Variants in GPC6 observed in about 807,000 individuals in gnomAD.
GPC6 encodes glypican 6.
A neutral mutation model predicts 55.2 loss-of-function variants in GPC6; 14 were observed. The ratio of observed to expected loss-of-function variants is 0.25; its 90% CI spans 0.17 to 0.40. The LOEUF (loss-of-function observed/expected upper bound fraction) is 0.40. Among genes scored for constraint, GPC6 ranks in the 10% least tolerant of loss-of-function variants. The probability of loss-of-function intolerance (pLI) is 1.00; values close to 1 mark genes in which losing one functional copy is unlikely to be tolerated. For synonymous variants in GPC6, 278 were observed against 259.6 expected, an observed-to-expected ratio of 1.07 and a Z score of -0.68; for missense variants, 641 against 708.5, an observed-to-expected ratio of 0.90 and a Z score of 1.08.
intron 4 of GPC6, among the ~76,000 whole-genome samples, chr13:94,232,761 T>C (rs1475245827): frequency 1.3e-5 from 2 of 152,116 alleles, no homozygotes; most frequent in African/African-American, 4.8e-5. Context: ...AACAGGAGGC[T>C]GGAAGAACAT....
At chr13:93,498,819 T>C (rs1486403922) in intron 1 of GPC6, among the ~76,000 whole-genome samples, 1 of 152,188 alleles carries the variant, frequency 6.6e-6, no homozygotes, top group Non-Finnish European at 1.5e-5. Flanking sequence ...GATATTACTT[T>C]ATCTGTTTTT....
chr13:93,295,603 C>T (rs1878470259), intron 1 of GPC6, among the ~76,000 whole-genome samples: 1 of 152,020 alleles, frequency 6.6e-6, no homozygotes, highest in Admixed American at 6.6e-5. Flanking sequence ...GCCTCAGCCT[C>T]CCAAGTAGCT....
chr13:94,350,045 A>AAT (rs998359458), intron 6 of GPC6, among the ~76,000 whole-genome samples: 25 of 149,156 alleles, frequency 1.7e-4, no homozygotes, highest in African/African-American at 4.3e-4. Flanking sequence ...GCAAAGAAAA[A>AAT]ATATATATAT....
At chr13:93,863,474 T>G (rs1888873894) in intron 3 of GPC6, among the ~76,000 whole-genome samples, 1 of 151,726 alleles carries the variant, frequency 6.6e-6, no homozygotes, top group African/African-American at 2.4e-5. Context: ...TGTTTTTATG[T>G]TACAGTTAGC....
intron 2 of GPC6, among the ~76,000 whole-genome samples, chr13:93,758,633 T>C (rs970392205): frequency 2.5e-4 from 38 of 151,970 alleles, no homozygotes; most frequent in African/African-American, 8.9e-4. Flanking sequence ...TCTACACATA[T>C]AGGCCTTTTT....
chr13:93,984,577 A>G (rs1356332178), intron 3 of GPC6, among the ~76,000 whole-genome samples: 1 of 152,244 alleles, frequency 6.6e-6, no homozygotes, highest in African/African-American at 2.4e-5. Context: ...GATGACACAT[A>G]AAGATGTATG....
intron 2 of GPC6, among the ~76,000 whole-genome samples, chr13:93,750,810 ATGGTTTTAAC>A (rs1047339239): frequency 4.2e-4 from 64 of 152,278 alleles, no homozygotes; most frequent in African/African-American, 1.4e-3. Context: ...GCTGCTTAGT[ATGGTTTTAAC>A]TGCCTTGTTT....
intron 3 of GPC6, among the ~76,000 whole-genome samples, chr13:93,866,613 C>A (rs1326694839): frequency 1.3e-5 from 2 of 151,696 alleles, no homozygotes; most frequent in Admixed American, 6.6e-5. Context: ...CAAACTAACA[C>A]AGGAACAGAA....
intron 2 of GPC6, among the ~76,000 whole-genome samples, chr13:93,788,004 G>A (rs1885868786): frequency 6.6e-6 from 1 of 152,162 alleles, no homozygotes; most frequent in South Asian, 2.1e-4. Flanking sequence ...TAAGATGTAG[G>A]TTATAGATTG....
chr13:93,873,841 C>A (rs1207485639), intron 3 of GPC6, among the ~76,000 whole-genome samples: 1 of 151,892 alleles, frequency 6.6e-6, no homozygotes, highest in Non-Finnish European at 1.5e-5. Flanking sequence ...TACAAAAGAA[C>A]ACAGAGGCAT....
intron 2 of GPC6, among the ~76,000 whole-genome samples, chr13:93,651,776 T>G (rs980947179): frequency 1.3e-5 from 2 of 152,046 alleles, no homozygotes; most frequent in African/African-American, 4.8e-5. Context: ...GCCTGCAAAC[T>G]AAGGCCTAAA....
intron 7 of GPC6, among the ~76,000 whole-genome samples, chr13:94,391,761 C>T (rs550939102): frequency 1.3e-5 from 2 of 152,256 alleles, no homozygotes; most frequent in East Asian, 3.9e-4. Context: ...TTTTATCTTC[C>T]TAAACTGAAA....
intron 1 of GPC6, among the ~76,000 whole-genome samples, chr13:93,477,441 C>T (rs1209457923): frequency 1.3e-5 from 2 of 152,048 alleles, no homozygotes; most frequent in Non-Finnish European, 2.9e-5. Flanking sequence ...TGCAACATTC[C>T]TCTGGTTTGG....
chr13:94,370,699 G>A (rs900202558), intron 6 of GPC6, among the ~76,000 whole-genome samples: 3 of 152,096 alleles, frequency 2.0e-5, no homozygotes, highest in East Asian at 1.9e-4. Flanking sequence ...ATAGACTGGC[G>A]ATCTGCAAAC....
chr13:94,244,620 A>C (rs976363568), intron 4 of GPC6, among the ~76,000 whole-genome samples: 1 of 152,164 alleles, frequency 6.6e-6, no homozygotes, highest in African/African-American at 2.4e-5. Context: ...TTTTAAAAAA[A>C]TAGTCATAAG....
chr13:93,645,335 T>C (rs776000537), intron 2 of GPC6, among the ~76,000 whole-genome samples: 1 of 152,090 alleles, frequency 6.6e-6, no homozygotes, highest in Non-Finnish European at 1.5e-5. Flanking sequence ...AGAATTTGCA[T>C]TGGCAATGCA....
At chr13:93,595,135 A>G (rs566378245) in intron 2 of GPC6, among the ~76,000 whole-genome samples, 1 of 152,294 alleles carries the variant, frequency 6.6e-6, no homozygotes, top group African/African-American at 2.4e-5. Flanking sequence ...AAGACAGGGA[A>G]TCTTTTTAAA....
chr13:93,360,252 G>A (rs1880997806), intron 1 of GPC6, among the ~76,000 whole-genome samples: 1 of 152,180 alleles, frequency 6.6e-6, no homozygotes, highest in Admixed American at 6.6e-5. Context: ...ATAAGGTTGT[G>A]AGATGGATTC....
At position 93,501,670 on chromosome 13, in the gene GPC6, C is replaced by T. The variant is rs552899270; in HGVS notation, c.161-43593C>T. On this transcript the variant is annotated intron_variant, in intron 1 of 8. Coordinates refer to ENST00000377047, the MANE Select transcript of GPC6 (RefSeq NM_005708.5). ...AAGTGACAAAAAGAAGAGTTTACTG[C>T]ATCTTCACATTTCATGTGAGACACT... Among the ~76,000 whole-genome samples, 5 of 152,246 alleles carry T rather than the reference C, an allele frequency of 3.3e-5. No homozygotes were observed. In the South Asian group the frequency reaches 1.0e-3, roughly 32 times the overall value.
Sources: gnomAD v4.1 joint callset for allele counts (sites outside exome capture counted in the v4.1 genomes callset) on GRCh38, gnomAD v4.1.1 for gene constraint, MANE v1.5 for transcripts, NCBI Gene and HGNC (gene_info 2026-07-23, HGNC 2026-07-21) for gene names.